Variants in ZFP1 observed in about 807,000 individuals in gnomAD.
ZFP1 encodes the protein zinc finger protein 1 homolog.
ZFP1 carries 32 observed loss-of-function variants against 38.5 expected under a neutral mutation model. The ratio of observed to expected loss-of-function variants is 0.83; its 90% CI spans 0.63 to 1.12. The LOEUF is 1.12. ZFP1 is among the 50% of genes most tolerant of loss of function. The pLI, the probability that ZFP1 is intolerant of heterozygous loss-of-function variation, is 0.00. For synonymous variants in ZFP1, 245 were observed against 168.8 expected, an observed-to-expected ratio of 1.45 and a Z score of -3.50; for missense variants, 616 against 480.8, an observed-to-expected ratio of 1.28 and a Z score of -2.63.
At chr16:75,134,150 A>G in the ZFP1 span, among the ~76,000 whole-genome samples, 1 of 152,208 alleles carries the variant, frequency 6.6e-6, no homozygotes, top group Non-Finnish European at 1.5e-5. Context: ...GATGATGAGA[A>G]TATTCTGGAA....
At chr16:75,135,981 A>T in the ZFP1 span, among the ~76,000 whole-genome samples, 3 of 152,106 alleles carry the variant, frequency 2.0e-5, no homozygotes, top group African/African-American at 4.8e-5. Context: ...ATGCCTGGCT[A>T]ATTTTTATAT....
intron 2 of ZFP1, 104 bp from the exon 3 acceptor site, chr16:75,166,666 G>C (rs545233883): frequency 1.3e-6 from 2 of 1,578,998 alleles, no homozygotes; most frequent in Non-Finnish European, 1.7e-6. Context: ...ATGTATCGTT[G>C]GTGTAATATA....
upstream of ZFP1, chr16:75,144,008 T>G (rs937762949): frequency 1.3e-5 from 2 of 152,290 alleles, no homozygotes; most frequent in East Asian, 1.9e-4. Context: ...GGTGTCAACA[T>G]TTAGAACCTC....
Position 75,152,305 on chromosome 16 carries a change from C to G in ZFP1, c.-43-604C>G, listed in dbSNP as rs185741457. 4.6e-5 allele frequency among the ~76,000 whole-genome samples: 7 copies of G among 152,158 alleles called. No homozygotes were observed. In the East Asian group the frequency reaches 1.4e-3, roughly 29 times the overall value. On this transcript the variant is annotated intron_variant, in intron 1 of 3. Transcript: ENST00000570010. ...TTATGTCTTCAAATACTTCTTTTCT[C>G]CTTTTGGAATTTCAGTTACATGTTT...
chr16:75,122,274 A>G, the ZFP1 span, among the ~76,000 whole-genome samples: 7,504 of 152,220 alleles, frequency 0.049, 622 homozygotes, highest in African/African-American at 0.17. Context: ...AGCTAATTCC[A>G]ATTGACTATT....
intron 2 of ZFP1, among the ~76,000 whole-genome samples, chr16:75,158,425 T>C (rs1010585537): frequency 6.6e-6 from 1 of 151,926 alleles, no homozygotes; most frequent in Non-Finnish European, 1.5e-5. Flanking sequence ...GGTGTGATCT[T>C]GGCTCATTGC....
In ZFP1 at chr16:75,169,246, T is replaced by C. The variant is rs2145584846; in HGVS notation, c.143-7T>C. The C allele has an allele frequency of 6.3e-7, 1 of 1,596,480 alleles. No individual in the cohort carries two copies. The highest frequency in any genetic ancestry group is 8.5e-7 in the Non-Finnish European group (1 of 1,174,650). ...AAGGTTCTTTTCATTGTGCTCTCTATTCCTAGAAGTGTGGAAGGCTGATGA... is the reference window on the plus strand; with the variant it reads ...AAGGTTCTTTTCATTGTGCTCTCTACTCCTAGAAGTGTGGAAGGCTGATGA... On this transcript the variant is annotated splice_region_variant and splice_polypyrimidine_tract_variant and intron_variant, in intron 3 of 3. Transcript: ENST00000570010.
chr16:75,167,380 GTC>G (rs1464210715), intron 3 of ZFP1, among the ~76,000 whole-genome samples: 3 of 147,366 alleles, frequency 2.0e-5, no homozygotes, highest in African/African-American at 7.8e-5. Flanking sequence ...CCAAATATCC[GTC>G]TCTCCCTGCT....
chr16:75,146,782 T>A (rs7195199), upstream of ZFP1, among the ~76,000 whole-genome samples: 1 of 151,346 alleles, frequency 6.6e-6, no homozygotes, highest in African/African-American at 2.4e-5. Context: ...CTACAAAAAA[T>A]ACAAAAAATT....
At chr16:75,154,677 A>T (rs1246396903) in intron 2 of ZFP1, among the ~76,000 whole-genome samples, 1 of 149,436 alleles carries the variant, frequency 6.7e-6, no homozygotes, top group Non-Finnish European at 1.5e-5. Flanking sequence ...AGACAGAGGG[A>T]GGGGGGCTCC....
chr16:75,160,382 G>A (rs752985601), intron 2 of ZFP1, among the ~76,000 whole-genome samples: 11 of 151,944 alleles, frequency 7.2e-5, no homozygotes, highest in Non-Finnish European at 1.3e-4. Context: ...AACCCCATCT[G>A]TACTAATCCC....
Position 75,166,907 on chromosome 16 carries a change from T to C in ZFP1, c.142+11T>C. ...ACTTACTTTCAGTGGGTAAGGACGG[T>C]TTTCAGGTACAGCTCACCATGTGCC... On this transcript the variant is annotated intron_variant, in intron 3 of 3. Transcript: ENST00000570010. 1 of 1,612,122 alleles carries C rather than the reference T, an allele frequency of 6.2e-7. No homozygotes were observed. Among genetic ancestry groups the C allele is most frequent in the Non-Finnish European group, 8.5e-7 (1 of 1,178,632 alleles).
At chr16:75,139,882 G>A in the ZFP1 span, among the ~76,000 whole-genome samples, 3 of 152,274 alleles carry the variant, frequency 2.0e-5, no homozygotes, top group South Asian at 2.1e-4. Flanking sequence ...ATAGTTGCGC[G>A]ATATTGTGGA....
the ZFP1 span, among the ~76,000 whole-genome samples, chr16:75,141,289 G>A: frequency 3.0e-5 from 4 of 131,586 alleles, no homozygotes; most frequent in Admixed American, 9.1e-5. Flanking sequence ...TGCAAGCTCC[G>A]CCTCCCGGGT....
the ZFP1 span, among the ~76,000 whole-genome samples, chr16:75,122,163 C>G: frequency 2.0e-5 from 3 of 152,362 alleles, no homozygotes; most frequent in African/African-American, 7.2e-5. Flanking sequence ...ATGGTGAGAG[C>G]ACACTTGGAC....
intron 2 of ZFP1, among the ~76,000 whole-genome samples, chr16:75,166,125 A>C (rs984633878): frequency 2.6e-5 from 4 of 152,158 alleles, no homozygotes; most frequent in Non-Finnish European, 5.9e-5. Flanking sequence ...TAAAACTTTG[A>C]CTATTTAAAC....
the ZFP1 span, among the ~76,000 whole-genome samples, chr16:75,139,056 T>C: frequency 1.3e-5 from 2 of 151,990 alleles, no homozygotes; most frequent in African/African-American, 4.8e-5. Context: ...ACAAAATACC[T>C]ATCTAGTAAT....
At chr16:75,140,139 A>G in the ZFP1 span, among the ~76,000 whole-genome samples, 8 of 151,688 alleles carry the variant, frequency 5.3e-5, no homozygotes, top group Admixed American at 1.3e-4. Flanking sequence ...GTGGTGGTGC[A>G]CTCCTGTAAT....
At chr16:75,121,495 C>G in the ZFP1 span, among the ~76,000 whole-genome samples, 1 of 152,126 alleles carries the variant, frequency 6.6e-6, no homozygotes, top group Non-Finnish European at 1.5e-5. Flanking sequence ...GACTTTTTCT[C>G]TCTGTACCTT....
Sources: gnomAD v4.1 joint callset for allele counts (sites outside exome capture counted in the v4.1 genomes callset) on GRCh38, gnomAD v4.1.1 for gene constraint, MANE v1.5 for transcripts, NCBI Gene and HGNC (gene_info 2026-07-23, HGNC 2026-07-21) for gene names.